The following R3HDM2 variants were observed in gnomAD, a reference collection of about 807,000 sequenced individuals.
R3HDM2 encodes the protein R3H domain-containing protein 2.
Under a neutral mutation model 124.5 loss-of-function variants are expected in R3HDM2, and 38 were observed. The observed-to-expected ratio is 0.31, with a 90% CI of 0.24 to 0.40. The LOEUF (loss-of-function observed/expected upper bound fraction) is 0.40, where lower values mean the gene tolerates loss of function less well. Among genes scored for constraint, R3HDM2 ranks in the 10% least tolerant of loss-of-function variants. The probability of loss-of-function intolerance (pLI) is 1.00; values close to 1 mark genes in which losing one functional copy is unlikely to be tolerated. For synonymous variants in R3HDM2, 391 were observed against 448.0 expected (o/e 0.87, Z 1.61); for missense variants, 869 against 1,236.9 (o/e 0.70, Z 4.46).
chr12:57,312,143 C>A (rs895066743), intron 2 of R3HDM2, among the ~76,000 whole-genome samples: 1 of 152,116 alleles, frequency 6.6e-6, no homozygotes, highest in African/African-American at 2.4e-5. Context: ...AATAAACAGA[C>A]AAATGGATAG....
intron 14 of R3HDM2, among the ~76,000 whole-genome samples, chr12:57,272,817 C>T (rs1339561719): frequency 1.3e-5 from 2 of 152,136 alleles, no homozygotes; most frequent in Non-Finnish European, 2.9e-5. Context: ...CACTCCCTTC[C>T]CCATTAGCCA....
intron 2 of R3HDM2, among the ~76,000 whole-genome samples, chr12:57,335,471 T>A (rs1362839936): frequency 1.4e-5 from 2 of 146,628 alleles, no homozygotes; most frequent in Non-Finnish European, 3.0e-5. Flanking sequence ...ATTACAGGCG[T>A]GAGCCATCAC....
intron 2 of R3HDM2, among the ~76,000 whole-genome samples, chr12:57,345,065 C>T (rs1192450293): frequency 6.6e-6 from 1 of 151,940 alleles, no homozygotes; most frequent in African/African-American, 2.4e-5. Context: ...AACTCCCGAC[C>T]TCGGGTGATC....
At chr12:57,343,451 A>T (rs1051348468) in intron 2 of R3HDM2, among the ~76,000 whole-genome samples, 3 of 151,956 alleles carry the variant, frequency 2.0e-5, no homozygotes, top group Admixed American at 6.6e-5. Context: ...GGCCTCCCAA[A>T]ATGCTGGGAT....
At chr12:57,263,963 G>A (rs1276430369) in intron 19 of R3HDM2, among the ~76,000 whole-genome samples, 1 of 152,160 alleles carries the variant, frequency 6.6e-6, no homozygotes, top group Non-Finnish European at 1.5e-5. Context: ...ACATTCCCAC[G>A]ATAGAGTGGA....
Position 57,329,084 on chromosome 12 carries a change from A to G in R3HDM2, c.-35-18621T>C, listed in dbSNP as rs113466938. On this transcript the variant is annotated intron_variant, in intron 2 of 23. Coordinates refer to ENST00000402412, the MANE Select transcript of R3HDM2 (RefSeq NM_001394031.1). The stretch of plus-strand genomic sequence containing the variant: ...GTATAATAATGAAAAAATAATAAAC[A>G]ATTTATATAAGCAAAGAATACTATC... Among the ~76,000 whole-genome samples the G allele has an allele frequency of 3.4e-3, 511 of 152,224 alleles. 3 individuals are homozygous for G. Among genetic ancestry groups the G allele is most frequent in the African/African-American group, 0.01 (434 of 41,544 alleles).
intron 2 of R3HDM2, among the ~76,000 whole-genome samples, chr12:57,379,157 T>C (rs539305350): frequency 2.0e-5 from 3 of 152,358 alleles, no homozygotes; most frequent in African/African-American, 7.2e-5. Flanking sequence ...TTGGTGGTGA[T>C]GGCTGCATGA....
intron 4 of R3HDM2, among the ~76,000 whole-genome samples, chr12:57,300,748 A>G (rs545112666): frequency 2.3e-4 from 35 of 152,338 alleles, no homozygotes; most frequent in Admixed American, 2.2e-3. Context: ...ACAGTAGACA[A>G]TAAATGCTAA....
intron 2 of R3HDM2, among the ~76,000 whole-genome samples, chr12:57,378,801 T>C (rs934354294): frequency 4.6e-5 from 7 of 152,224 alleles, no homozygotes; most frequent in Non-Finnish European, 1.0e-4. Flanking sequence ...GCAGCACTAT[T>C]CATAATAGCT....
intron 1 of R3HDM2, among the ~76,000 whole-genome samples, chr12:57,404,214 G>A (rs1177444355): frequency 6.6e-6 from 1 of 151,122 alleles, no homozygotes; most frequent in Non-Finnish European, 1.5e-5. Context: ...ACAGGCATGC[G>A]CCACAACGCC....
chr12:57,377,777 A>T (rs148744796), intron 2 of R3HDM2, among the ~76,000 whole-genome samples: 2 of 151,986 alleles, frequency 1.3e-5, no homozygotes, highest in Admixed American at 6.6e-5. Context: ...TCTTTATCTC[A>T]ATGTAAAATA....
intron 2 of R3HDM2, among the ~76,000 whole-genome samples, chr12:57,323,390 A>T (rs2056769418): frequency 6.6e-6 from 1 of 152,252 alleles, no homozygotes; most frequent in Non-Finnish European, 1.5e-5. Flanking sequence ...TATGAAACAC[A>T]TAAAGCTATA....
intron 12 of R3HDM2, among the ~76,000 whole-genome samples, chr12:57,284,860 G>A (rs979733304): frequency 7.2e-5 from 11 of 152,268 alleles, no homozygotes; most frequent in African/African-American, 2.2e-4. Flanking sequence ...ATTTGGCTCT[G>A]TAAACAGCAG....
chr12:57,302,458 G>C (rs1340663749), intron 4 of R3HDM2, among the ~76,000 whole-genome samples: 2 of 151,432 alleles, frequency 1.3e-5, no homozygotes, highest in African/African-American at 4.9e-5. Flanking sequence ...TTGAGGTCAG[G>C]AGTTCGAGAC....
intron 2 of R3HDM2, among the ~76,000 whole-genome samples, chr12:57,328,475 T>C (rs187417505): frequency 4.5e-4 from 68 of 152,224 alleles, no homozygotes; most frequent in Non-Finnish European, 7.2e-4. Context: ...CCAAAATATA[T>C]GACTTGCTGA....
At position 57,298,269 on chromosome 12, in the gene R3HDM2, T is replaced by C. The variant is rs1031137459; in HGVS notation, c.422-101A>G. The C allele has an allele frequency of 4.3e-6, 4 of 922,600 alleles. No individual in the cohort carries two copies. In the East Asian group the frequency reaches 8.0e-5, roughly 18 times the overall value. The allele number at this position is 922,600 out of a possible 1,614,324, so 57.2% of individuals were successfully genotyped here. On this transcript the variant is annotated intron_variant, in intron 6 of 23. Coordinates refer to ENST00000402412, the MANE Select transcript of R3HDM2 (RefSeq NM_001394031.1). Reference sequence around the variant, plus strand: ...ACAACCTAACCAGGAGAAAAAAGAATAGGAAAGCAAAATCAAACTTCCAGG... The same window carrying C: ...ACAACCTAACCAGGAGAAAAAAGAACAGGAAAGCAAAATCAAACTTCCAGG...
intron 2 of R3HDM2, among the ~76,000 whole-genome samples, chr12:57,388,401 G>A (rs944520350): frequency 1.2e-4 from 18 of 152,202 alleles, no homozygotes; most frequent in South Asian, 4.1e-4. Context: ...ATTTATTAGC[G>A]AAAGTAGGAA....
intron 11 of R3HDM2, among the ~76,000 whole-genome samples, chr12:57,291,165 A>T (rs2048494467): frequency 6.6e-6 from 1 of 152,164 alleles, no homozygotes; most frequent in Admixed American, 6.6e-5. Context: ...GCTGTATATC[A>T]GTTCCCAGTG....
intron 2 of R3HDM2, among the ~76,000 whole-genome samples, chr12:57,347,122 TAC>T (rs1303011392): frequency 1.3e-5 from 2 of 152,188 alleles, no homozygotes; most frequent in East Asian, 3.9e-4. Context: ...GGCATAGGCC[TAC>T]AGTCTCAGCT....
Sources: gnomAD v4.1 joint callset for allele counts (sites outside exome capture counted in the v4.1 genomes callset) on GRCh38, gnomAD v4.1.1 for gene constraint, MANE v1.5 for transcripts, NCBI Gene and HGNC (gene_info 2026-07-23, HGNC 2026-07-21) for gene names.